Variants in ACY3 observed in about 807,000 individuals in gnomAD.
ACY3 encodes the protein aminoacylase 3.
A neutral mutation model predicts 24.6 loss-of-function variants in ACY3; 20 were observed. That is an observed-to-expected ratio of 0.81 (90% confidence interval 0.57 to 1.18). ACY3 has a LOEUF of 1.18. Ranked by LOEUF, ACY3 falls within the 50% of genes most tolerant of loss-of-function variation. The pLI, the probability that ACY3 is intolerant of heterozygous loss-of-function variation, is 0.00. For missense variants in ACY3, 423 were observed against 426.8 expected (o/e 0.99, Z 0.08); for synonymous variants, 174 against 188.4 (o/e 0.92, Z 0.62).
At chr11:67,649,492 A>G (rs2514039) in intron 1 of ACY3, among the ~76,000 whole-genome samples, 92,347 of 152,106 alleles carry the variant, frequency 0.61, 28,656 homozygotes, top group East Asian at 0.74. Flanking sequence ...GGGTCCAGGA[A>G]CCCTCAGAAA....
intron 1 of ACY3, 44 bp downstream of exon 1, chr11:67,650,539 A>G (rs951407309): frequency 2.0e-5 from 3 of 152,192 alleles, no homozygotes; most frequent in Non-Finnish European, 4.4e-5. Flanking sequence ...GAGGCTCACT[A>G]AGGTAAAGCA....
rs867616029 is a variant in ACY3, at chr11:67,645,845, G to T, written c.279C>A (p.Ala93=). ...TPDDPYEVTR[A]RELNQLLGPK... ...GCCCCAGCAGCTGGTTCAGCTCTCGGGCTCTTGTCACCTCATATGGGTCGT... is the reference window on the plus strand; with the variant it reads ...GCCCCAGCAGCTGGTTCAGCTCTCGTGCTCTTGTCACCTCATATGGGTCGT... The change falls in exon 4 of 8, where the codon GCC becomes GCA. Residue 93 remains alanine, a synonymous_variant. Coordinates refer to ENST00000255082, the MANE Select transcript of ACY3 (RefSeq NM_080658.2). The T allele has an allele frequency of 6.2e-7, 1 of 1,613,102 alleles. No homozygotes were observed. Among genetic ancestry groups the T allele is most frequent in the Admixed American group, 1.7e-5 (1 of 59,798 alleles).
chr11:67,646,923 G>C lies in ACY3; in HGVS notation c.121C>G (p.Leu41Val). Residue 41 changes from leucine (L) to valine (V), a missense_variant, in exon 3 of 8, where the codon CTG (leucine) becomes GTG (valine). Transcript: ENST00000255082. ...ACAGCGGAGAAGCTGGCTCTCTGCA[G>C]CTCTGCGGGGGCATGCAGCCAGTGC... ...ARHWLHAPAE[L>V]QRASFSAVPV... The C allele has an allele frequency of 1.2e-6, 2 of 1,608,618 alleles. No individual in the cohort carries two copies. The highest frequency in any genetic ancestry group is 1.7e-6 in the Non-Finnish European group (2 of 1,177,852).
chr11:67,642,842 AC>A lies in ACY3; in HGVS notation c.841del (p.Val281CysfsTer31). On this transcript the variant is annotated frameshift_variant, in exon 8 of 8. Transcript: ENST00000255082. LOFTEE classifies it low-confidence loss of function (END_TRUNC). Reference sequence around the variant, plus strand: ...ATAGTAGGCAGCCTCGTTAATGAACACGGGGTACACCGTGGACTCTCCCTCA... The same window carrying A: ...ATAGTAGGCAGCCTCGTTAATGAACAGGGGTACACCGTGGACTCTCCCTCA... ...LYEGESTVYP[V>X]FINEAAYYEK... The A allele has an allele frequency of 6.2e-7, 1 of 1,614,108 alleles. No individual in the cohort carries two copies. The highest frequency in any genetic ancestry group is 8.5e-7 in the Non-Finnish European group (1 of 1,180,034).
rs574672506 is a variant in ACY3 at position 67,646,987 on chromosome 11, G to T, written c.57C>A (p.Gly19=). 19 of 1,567,026 alleles carry T rather than the reference G, an allele frequency of 1.2e-5. No homozygotes were observed. In the South Asian group the frequency reaches 2.1e-4, roughly 17 times the overall value. ...CGCCCGACATCTCGTTGCCATGCGT[G>T]CCCCCAGTCACAGCCACGCGACGCA... The part of the protein sequence containing the change: ...EPLRRVAVTG[G]THGNEMSGVY... Residue 19 remains glycine, a synonymous_variant, in exon 3 of 8, where the codon GGC becomes GGA. Coordinates refer to ENST00000255082, the MANE Select transcript of ACY3 (RefSeq NM_080658.2).
At chr11:67,649,267 G>A (rs1855572865) in intron 1 of ACY3, among the ~76,000 whole-genome samples, 1 of 152,152 alleles carries the variant, frequency 6.6e-6, no homozygotes, top group African/African-American at 2.4e-5. Flanking sequence ...ACAGAGGCTG[G>A]GATCCTGCTG....
At chr11:67,646,690 A>T in intron 3 of ACY3, 118 bp downstream of exon 3, 1 of 980,850 alleles carries the variant, frequency 1.0e-6, no homozygotes, top group Non-Finnish European at 1.6e-6. Flanking sequence ...TGGGCCACAT[A>T]GGCAGAGGGG....
Position 67,644,128 on chromosome 11 carries a change from G to T in ACY3, c.744+632C>A, listed in dbSNP as rs535454380. On this transcript the variant is annotated intron_variant, in intron 7 of 7. Transcript: ENST00000255082. ...GACTGTCTAGCCCTAAACATGGACG[G>T]GATGGTGCTGCCTCCATTTGTAAGA... 8.5e-5 allele frequency among the ~76,000 whole-genome samples: 13 copies of T among 152,212 alleles called. No individual in the cohort carries two copies. In the South Asian group the frequency reaches 2.3e-3, roughly 27 times the overall value.
chr11:67,648,890 G>A (rs1015077511), intron 1 of ACY3, among the ~76,000 whole-genome samples: 1 of 152,166 alleles, frequency 6.6e-6, no homozygotes, highest in Non-Finnish European at 1.5e-5. Context: ...TGGAGTGTGA[G>A]GCTGAGCCCC....
intron 7 of ACY3, among the ~76,000 whole-genome samples, chr11:67,643,910 G>A (rs779998870): frequency 7.2e-5 from 11 of 151,932 alleles, no homozygotes; most frequent in African/African-American, 1.5e-4. Flanking sequence ...CAGGAGAATC[G>A]CTTGAACCCA....
At chr11:67,647,286 A>G (rs966131267) in intron 2 of ACY3, among the ~76,000 whole-genome samples, 1 of 152,166 alleles carries the variant, frequency 6.6e-6, no homozygotes, top group Non-Finnish European at 1.5e-5. Flanking sequence ...CTAAATTGAG[A>G]AGAGGGGCCC....
rs577412550 is a variant in ACY3 at position 67,646,523 on chromosome 11, G to A, written c.236+285C>T. Among the ~76,000 whole-genome samples, 31 of 152,366 alleles carry A rather than the reference G, an allele frequency of 2.0e-4. No individual in the cohort carries two copies. In the South Asian group the frequency reaches 5.6e-3, roughly 27 times the overall value. Reference sequence around the variant, plus strand: ...GGCATGAACAGTGATCAGGGCACACGACAAGTAAACATGGCCTGTGGGGCT... The same window carrying A: ...GGCATGAACAGTGATCAGGGCACACAACAAGTAAACATGGCCTGTGGGGCT... On this transcript the variant is annotated intron_variant, in intron 3 of 7. Transcript: ENST00000255082.
chr11:67,646,979 C>A lies in ACY3; in HGVS notation c.65G>T (p.Gly22Val). The stretch of plus-strand genomic sequence containing the variant: ...CAGGTAGACGCCCGACATCTCGTTG[C>A]CATGCGTGCCCCCAGTCACAGCCAC... ...RRVAVTGGTH[G>V]NEMSGVYLAR... The change falls in exon 3 of 8, where the codon GGC (glycine) becomes GTC (valine). Residue 22 changes from glycine (G) to valine (V), a missense_variant. Physicochemically the swap from Gly to Val is moderately radical, Grantham distance 109. Coordinates refer to ENST00000255082, the MANE Select transcript of ACY3 (RefSeq NM_080658.2). 2 of 1,571,404 alleles carry A rather than the reference C, an allele frequency of 1.3e-6. No individual in the cohort carries two copies. Among genetic ancestry groups the A allele is most frequent in the Non-Finnish European group, 1.7e-6 (2 of 1,157,628 alleles).
rs1420246982 is a variant in ACY3 at position 67,645,837 on chromosome 11, A to G, written c.287T>C (p.Leu96Pro). The G allele has an allele frequency of 1.2e-6, 2 of 1,613,430 alleles. No homozygotes were observed. The highest frequency in any genetic ancestry group is 1.7e-6 in the Non-Finnish European group (2 of 1,179,680). Residue 96 changes from leucine (L) to proline (P), a missense_variant, in exon 4 of 8, where the codon CTG becomes CCG. Leu to Pro is a moderately conservative substitution (Grantham distance 98). Coordinates refer to ENST00000255082, the MANE Select transcript of ACY3 (RefSeq NM_080658.2). Reference sequence around the variant, plus strand: ...GGCCTTGGGCCCCAGCAGCTGGTTCAGCTCTCGGGCTCTTGTCACCTCATA... The same window carrying G: ...GGCCTTGGGCCCCAGCAGCTGGTTCGGCTCTCGGGCTCTTGTCACCTCATA... Reference protein sequence around the residue: ...DPYEVTRARELNQLLGPKASG... With the variant: ...DPYEVTRAREPNQLLGPKASG...
At chr11:67,646,147 C>T (rs755156381) in intron 3 of ACY3, among the ~76,000 whole-genome samples, 25 of 152,224 alleles carry the variant, frequency 1.6e-4, no homozygotes, top group Non-Finnish European at 2.9e-4. Context: ...TCATTCCAGC[C>T]ACACTGCCTG....
intron 5 of ACY3, 40 bp downstream of exon 5, chr11:67,645,247 C>T: frequency 6.2e-7 from 1 of 1,611,530 alleles, no homozygotes; most frequent in African/African-American, 1.3e-5. Context: ...CCCCTCCAGC[C>T]CTCCTGGCCC....
intron 3 of ACY3, among the ~76,000 whole-genome samples, chr11:67,646,601 T>C (rs1855521074): frequency 6.6e-6 from 1 of 152,216 alleles, no homozygotes; most frequent in Non-Finnish European, 1.5e-5. Flanking sequence ...CTGAACCAAC[T>C]TGCAGTCAGG....
chr11:67,649,689 ATGTG>A (rs1855584407), intron 1 of ACY3, among the ~76,000 whole-genome samples: 2 of 144,650 alleles, frequency 1.4e-5, no homozygotes, highest in African/African-American at 5.4e-5. Flanking sequence ...TATTGTGTGC[ATGTG>A]TGCATGTATG....
rs71058714 is a variant in ACY3 at position 67,644,759 on chromosome 11, C to CACACACA, written c.744_744+1insTGTGTGT (p.Asp249CysfsTer3). On this transcript the variant is annotated frameshift_variant and splice_region_variant. Coordinates refer to ENST00000255082, the MANE Select transcript of ACY3 (RefSeq NM_080658.2). LOFTEE classifies it high-confidence loss of function. ...ACACACACACACACACACACACACACCTGCAGCTGAGGATGCACAGTGCCT... is the reference window on the plus strand; with the variant it reads ...ACACACACACACACACACACACACACACACACACTGCAGCTGAGGATGCACAGTGCCT... The CACACACA allele has an allele frequency of 1.3e-6, 2 of 1,547,746 alleles. No homozygotes were observed. Among genetic ancestry groups the CACACACA allele is most frequent in the South Asian group, 1.2e-5 (1 of 84,202 alleles).
Sources: gnomAD v4.1 joint callset for allele counts (sites outside exome capture counted in the v4.1 genomes callset) on GRCh38, gnomAD v4.1.1 for gene constraint, MANE v1.5 for transcripts, NCBI Gene and HGNC (gene_info 2026-07-23, HGNC 2026-07-21) for gene names.